VRK2: variants seen among roughly 807,000 people sequenced by gnomAD.
VRK2 encodes the protein serine/threonine-protein kinase VRK2.
In VRK2, 60 loss-of-function variants were observed where a neutral mutation model predicts 57.6. The observed-to-expected ratio is 1.04, with a 90% CI of 0.85 to 1.29. VRK2 has a LOEUF of 1.29. Among genes scored for constraint, VRK2 ranks in the 50% most tolerant of loss-of-function variants. VRK2 has a pLI of 0.00. For synonymous variants in VRK2, 231 were observed against 199.2 expected (o/e 1.16, Z -1.35); for missense variants, 705 against 588.1 (o/e 1.20, Z -2.06).
intron 1 of VRK2, among the ~76,000 whole-genome samples, chr2:58,007,908 T>A (rs1398456667): frequency 6.6e-6 from 1 of 152,062 alleles, no homozygotes; most frequent in Non-Finnish European, 1.5e-5. Context: ...TCATAACTCA[T>A]AAAGCAATAT....
At chr2:57,912,009 A>G (rs72943371) in intron 1 of VRK2, among the ~76,000 whole-genome samples, 4,618 of 152,288 alleles carry the variant, frequency 0.03, 248 homozygotes, top group African/African-American at 0.11. Flanking sequence ...GAGCACATTA[A>G]AACACAAATC....
At chr2:57,984,048 T>C (rs1672515866) in intron 1 of VRK2, among the ~76,000 whole-genome samples, 1 of 152,184 alleles carries the variant, frequency 6.6e-6, no homozygotes, top group African/African-American at 2.4e-5. Flanking sequence ...TCACAAACTT[T>C]TTCTATAAAG....
At chr2:58,123,865 A>AG (rs1677900007) in intron 8 of VRK2, among the ~76,000 whole-genome samples, 1 of 152,132 alleles carries the variant, frequency 6.6e-6, no homozygotes, top group Non-Finnish European at 1.5e-5. Flanking sequence ...AAAAAAAAAA[A>AG]AAGTTGCACA....
chr2:58,050,458 G>A (rs866815058), intron 2 of VRK2, among the ~76,000 whole-genome samples: 1 of 152,160 alleles, frequency 6.6e-6, no homozygotes, highest in Non-Finnish European at 1.5e-5. Context: ...CTAGTATACT[G>A]TCTTGACTCA....
At chr2:58,058,575 G>A (rs1193698047) in intron 2 of VRK2, 3 of 267,826 alleles carry the variant, frequency 1.1e-5, no homozygotes, top group Non-Finnish European at 2.3e-5. Flanking sequence ...ACACAGAAAA[G>A]TAAAAAAGAA....
At chr2:57,940,548 C>G (rs1011603814) in intron 1 of VRK2, among the ~76,000 whole-genome samples, 3 of 103,698 alleles carry the variant, frequency 2.9e-5, no homozygotes, top group Admixed American at 9.3e-5. Context: ...AATTAACCAT[C>G]ATACAGTCTA....
At chr2:58,037,048 A>T (rs1410549192) in intron 3 of VRK2, among the ~76,000 whole-genome samples, 1 of 151,834 alleles carries the variant, frequency 6.6e-6, no homozygotes, top group Non-Finnish European at 1.5e-5. Flanking sequence ...CCATCCTCCC[A>T]TTTCAGACTC....
intron 1 of VRK2, among the ~76,000 whole-genome samples, chr2:57,913,459 A>C (rs1670053418): frequency 6.6e-6 from 1 of 152,192 alleles, no homozygotes; most frequent in Non-Finnish European, 1.5e-5. Context: ...GGGCCAATGT[A>C]TCTAAATCTC....
rs964961723 is a variant in VRK2, at chr2:58,080,960, G to C, written c.137-3129G>C. 2.6e-5 allele frequency among the ~76,000 whole-genome samples: 4 copies of C among 151,968 alleles called. No homozygotes were observed. The East Asian group carries it at 7.7e-4, about 29-fold the overall frequency. ...CTTGTGTAATTTCTTTTGTGTTTCT[G>C]TAGGACCTGATTTAGATCTAATACC... is the stretch of plus-strand genomic sequence containing the variant. On this transcript the variant is annotated intron_variant, in intron 2 of 12. Coordinates refer to ENST00000340157, the MANE Select transcript of VRK2 (RefSeq NM_006296.7).
chr2:58,093,325 GT>G (rs1672643291), intron 7 of VRK2, among the ~76,000 whole-genome samples: 2 of 152,082 alleles, frequency 1.3e-5, no homozygotes, highest in African/African-American at 2.4e-5. Flanking sequence ...TCCAGCGCCT[GT>G]TGTTTCCTGA....
intron 2 of VRK2, among the ~76,000 whole-genome samples, chr2:58,073,549 T>C (rs757291342): frequency 3.3e-5 from 5 of 151,440 alleles, no homozygotes; most frequent in Non-Finnish European, 7.4e-5. Context: ...CCTTTATTAT[T>C]ATTTAATATC....
At chr2:58,005,788 T>A (rs1421434288) in intron 1 of VRK2, among the ~76,000 whole-genome samples, 2 of 152,094 alleles carry the variant, frequency 1.3e-5, no homozygotes, top group South Asian at 4.1e-4. Flanking sequence ...AAGACCCAGA[T>A]GAAGCTAGGG....
At chr2:58,098,541 G>C (rs1040280968) in intron 7 of VRK2, among the ~76,000 whole-genome samples, 1 of 151,900 alleles carries the variant, frequency 6.6e-6, no homozygotes, top group African/African-American at 2.4e-5. Flanking sequence ...GATATATTTA[G>C]ATACACAAAT....
chr2:57,982,131 T>C (rs978778141), intron 1 of VRK2, among the ~76,000 whole-genome samples: 2 of 152,218 alleles, frequency 1.3e-5, no homozygotes, highest in South Asian at 4.1e-4. Context: ...ATTGGCTTCA[T>C]TCTGGATGCT....
At chr2:58,022,475 T>A (rs1673787909) in intron 1 of VRK2, among the ~76,000 whole-genome samples, 1 of 152,214 alleles carries the variant, frequency 6.6e-6, no homozygotes, top group African/African-American at 2.4e-5. Context: ...ACAAGGCAGA[T>A]TTTGTAAAAG....
rs1256074513 is a variant in VRK2, at chr2:58,139,764, C to T, written c.955C>T (p.Pro319Ser). ...GAAAATTTTGAACCCTCATGGAATA[C>T]CTTTAGGACCACTGGACTTTTCCAC... ...LKKILNPHGI[P>S]LGPLDFSTKG... The change falls in exon 11 of 13, where the codon CCT (proline) becomes TCT (serine). Residue 319 changes from proline (P) to serine (S), a missense_variant. Transcript: ENST00000340157. 5 of 1,613,166 alleles carry T rather than the reference C, an allele frequency of 3.1e-6. No individual in the cohort carries two copies. In the East Asian group the frequency reaches 8.9e-5, roughly 29 times the overall value.
rs374683786 is a variant in VRK2, at chr2:58,159,355, A to G, written c.1189A>G (p.Thr397Ala). 1.9e-5 allele frequency: 30 copies of G among 1,601,788 alleles called. No individual in the cohort carries two copies. In the African/African-American group the frequency reaches 3.8e-4, roughly 20 times the overall value. ...LMNNEAAQESTRRRQKYQESQ... is the reference protein window; with the variant it reads ...LMNNEAAQESARRRQKYQESQ... ...ATATGTATTTTTTCCATAGGAAAGC[A>G]CAAGGAGAAGACAGAAATATCAAGA... is the stretch of plus-strand genomic sequence containing the variant. The change falls in exon 13 of 13, where the codon ACA (threonine) becomes GCA (alanine). Residue 397 changes from threonine to alanine, a missense_variant. Coordinates refer to ENST00000340157, the MANE Select transcript of VRK2 (RefSeq NM_006296.7).
chr2:58,059,856 A>G (rs1193231118), intron 2 of VRK2, among the ~76,000 whole-genome samples: 7 of 151,826 alleles, frequency 4.6e-5, no homozygotes, highest in South Asian at 2.1e-4. Flanking sequence ...AGCAAGGAAA[A>G]GAATGAACAA....
At chr2:57,940,611 A>G (rs1254057797) in intron 1 of VRK2, among the ~76,000 whole-genome samples, 1 of 152,162 alleles carries the variant, frequency 6.6e-6, no homozygotes, top group African/African-American at 2.4e-5. Flanking sequence ...AATAGGGAAA[A>G]AAAGGTCAAA....
Sources: gnomAD v4.1 joint callset for allele counts (sites outside exome capture counted in the v4.1 genomes callset) on GRCh38, gnomAD v4.1.1 for gene constraint, MANE v1.5 for transcripts, NCBI Gene and HGNC (gene_info 2026-07-23, HGNC 2026-07-21) for gene names.